The following SNTG1 variants were observed in gnomAD, a reference collection of about 807,000 sequenced individuals.
SNTG1 encodes the protein gamma-1-syntrophin.
Under a neutral mutation model 74.7 loss-of-function variants are expected in SNTG1, and 39 were observed. That is an observed-to-expected ratio of 0.52 (90% CI 0.40 to 0.68). The LOEUF is 0.68. SNTG1 is among the 30% of genes least tolerant of loss of function. SNTG1 has a pLI of 0.00. For missense variants in SNTG1, 685 were observed against 609.5 expected, an observed-to-expected ratio of 1.12 and a Z score of -1.30; for synonymous variants, 254 against 217.1, an observed-to-expected ratio of 1.17 and a Z score of -1.49.
intron 2 of SNTG1, among the ~76,000 whole-genome samples, chr8:50,307,643 G>T (rs1406802819): frequency 1.3e-5 from 2 of 151,622 alleles, no homozygotes; most frequent in Non-Finnish European, 2.9e-5. Context: ...CATCTTCTTA[G>T]CTCATTTTGA....
In SNTG1 at chr8:50,530,257, A is replaced by G. The variant is rs1419510630; in HGVS notation, c.547A>G (p.Thr183Ala). The G allele has an allele frequency of 3.7e-6, 6 of 1,613,500 alleles. No individual in the cohort carries two copies. The Admixed American group carries it at 1.0e-4, about 27-fold the overall frequency. Residue 183 changes from threonine to alanine, a missense_variant and splice_region_variant, in exon 10 of 19, where the codon ACA becomes GCA. By Grantham distance (58) the Thr-to-Ala change is moderately conservative (BLOSUM62 0). Transcript: ENST00000642720. ...ACATCTCAACTACCATCCCAACAAT[A>G]CAGTAAGATGACCCAGGCATAGCTC... ...GLHLNYHPNN[T>A]DTLSCSSWPT...
intron 13 of SNTG1, among the ~76,000 whole-genome samples, chr8:50,612,226 A>G (rs1200531921): frequency 1.3e-5 from 2 of 152,160 alleles, no homozygotes. Context: ...CTTTATCTCC[A>G]TAGTAACAGC....
chr8:50,732,244 T>A (rs2095514587), intron 17 of SNTG1, among the ~76,000 whole-genome samples: 4 of 152,084 alleles, frequency 2.6e-5, no homozygotes, highest in South Asian at 4.1e-4. Context: ...TTCAAATTTA[T>A]AATTATAATT....
At chr8:50,525,907 AT>A (rs1021079610) in intron 9 of SNTG1, among the ~76,000 whole-genome samples, 5 of 147,466 alleles carry the variant, frequency 3.4e-5, no homozygotes, top group African/African-American at 1.2e-4. Context: ...CTGTGCTATT[AT>A]TTTTTTTCTG....
At chr8:50,184,396 C>T (rs1192616761) in intron 2 of SNTG1, among the ~76,000 whole-genome samples, 1 of 152,124 alleles carries the variant, frequency 6.6e-6, no homozygotes, top group Non-Finnish European at 1.5e-5. Flanking sequence ...CAACTCCTGA[C>T]CTCATGATCT....
intron 1 of SNTG1, among the ~76,000 whole-genome samples, chr8:49,995,756 G>A (rs1814149765): frequency 6.6e-6 from 1 of 152,176 alleles, no homozygotes; most frequent in South Asian, 2.1e-4. Context: ...GTCTGTGTGG[G>A]TCACCCTCCA....
intron 8 of SNTG1, among the ~76,000 whole-genome samples, chr8:50,484,998 A>G (rs2093778137): frequency 6.6e-6 from 1 of 152,218 alleles, no homozygotes; most frequent in East Asian, 1.9e-4. Context: ...CATTTTATAA[A>G]TATACTCTCT....
In SNTG1 at chr8:50,704,722, A is replaced by G. The variant is rs1247273624; in HGVS notation, c.1161A>G (p.Thr387=). ...CCCAGTGGGAAAGAGCCTTCCAGACAGCAACCTTTCTAGAAGTAGAACGGA... is the reference window on the plus strand; with the variant it reads ...CCCAGTGGGAAAGAGCCTTCCAGACGGCAACCTTTCTAGAAGTAGAACGGA... ...DLAQWERAFQ[T]ATFLEVERIQ... The change falls in exon 16 of 19, where the codon ACA becomes ACG. Residue 387 remains threonine (T), a synonymous_variant. Coordinates refer to ENST00000642720, the MANE Select transcript of SNTG1 (RefSeq NM_018967.5). 6 of 1,614,150 alleles carry G rather than the reference A, an allele frequency of 3.7e-6. No individual in the cohort carries two copies. The highest frequency in any genetic ancestry group is 2.2e-5 in the South Asian group (2 of 91,072).
chr8:50,580,900 C>A (rs561593800), intron 12 of SNTG1, among the ~76,000 whole-genome samples: 2 of 152,192 alleles, frequency 1.3e-5, no homozygotes, highest in Admixed American at 1.3e-4. Flanking sequence ...GGGCCTACAT[C>A]CTAGAGTTCA....
At chr8:50,771,999 G>T (rs138905846) in intron 18 of SNTG1, among the ~76,000 whole-genome samples, 2 of 152,200 alleles carry the variant, frequency 1.3e-5, no homozygotes, top group African/African-American at 4.8e-5. Context: ...GCAGGCCCAG[G>T]CAGAGACTTG....
chr8:50,402,473 C>T (rs954467556), intron 4 of SNTG1, 129 bp downstream of exon 4: 6 of 1,158,478 alleles, frequency 5.2e-6, no homozygotes, highest in African/African-American at 4.7e-5. Flanking sequence ...GGAATTTTTG[C>T]TTACATCATT....
intron 9 of SNTG1, among the ~76,000 whole-genome samples, chr8:50,510,691 G>A (rs2094062403): frequency 6.6e-6 from 1 of 152,076 alleles, no homozygotes; most frequent in South Asian, 2.1e-4. Flanking sequence ...AGGTTTTCTA[G>A]TTTTTTTGCG....
At chr8:50,679,936 G>T (rs1329394346) in intron 15 of SNTG1, among the ~76,000 whole-genome samples, 2 of 152,170 alleles carry the variant, frequency 1.3e-5, no homozygotes, top group Non-Finnish European at 2.9e-5. Flanking sequence ...TCAGTGGTAG[G>T]TAATATGCAG....
intron 1 of SNTG1, among the ~76,000 whole-genome samples, chr8:50,112,326 A>T (rs2080625187): frequency 6.6e-6 from 1 of 152,162 alleles, no homozygotes; most frequent in East Asian, 1.9e-4. Context: ...TACACTAAAC[A>T]TATTAAAATA....
At chr8:50,229,313 T>G (rs747008087) in intron 2 of SNTG1, among the ~76,000 whole-genome samples, 2 of 151,528 alleles carry the variant, frequency 1.3e-5, no homozygotes, top group Non-Finnish European at 3.0e-5. Context: ...GACAGTGAGC[T>G]TCAGAGTATA....
At chr8:50,044,379 T>C (rs558180665) in intron 1 of SNTG1, among the ~76,000 whole-genome samples, 76 of 152,302 alleles carry the variant, frequency 5.0e-4, no homozygotes, top group African/African-American at 1.7e-3. Context: ...ATCCTGAGTG[T>C]CTTTTAAATT....
chr8:49,929,643 T>A (rs16913981), intron 1 of SNTG1, among the ~76,000 whole-genome samples: 1 of 152,198 alleles, frequency 6.6e-6, no homozygotes, highest in African/African-American at 2.4e-5. Context: ...CAGGGAGGCC[T>A]GACACTGGAT....
chr8:49,987,367 A>G (rs938666112), intron 1 of SNTG1, among the ~76,000 whole-genome samples: 2 of 152,186 alleles, frequency 1.3e-5, no homozygotes, highest in East Asian at 3.8e-4. Context: ...TAAATAAACA[A>G]TTATTTAAAG....
intron 15 of SNTG1, among the ~76,000 whole-genome samples, chr8:50,684,003 A>G (rs948453212): frequency 1.3e-5 from 2 of 152,340 alleles, no homozygotes; most frequent in Non-Finnish European, 2.9e-5. Context: ...GAAGACTGGA[A>G]CATTGAAGAA....
Sources: gnomAD v4.1 joint callset for allele counts (sites outside exome capture counted in the v4.1 genomes callset) on GRCh38, gnomAD v4.1.1 for gene constraint, MANE v1.5 for transcripts, NCBI Gene and HGNC (gene_info 2026-07-23, HGNC 2026-07-21) for gene names.